The following LASP1 variants were observed in gnomAD, a reference collection of about 807,000 sequenced individuals.
LASP1 encodes the protein LIM and SH3 protein 1, also known as LIM and SH3 domain protein 1.
LASP1 carries 10 observed loss-of-function variants against 38.6 expected under a neutral mutation model. The observed-to-expected ratio is 0.26, with a 90% CI of 0.16 to 0.44. The LOEUF (loss-of-function observed/expected upper bound fraction) is 0.44. Among genes scored for constraint, LASP1 ranks in the 20% least tolerant of loss-of-function variants. LASP1 has a pLI of 1.00. For missense variants in LASP1, 243 were observed against 375.7 expected (o/e 0.65, Z 2.92); for synonymous variants, 132 against 140.8 (o/e 0.94, Z 0.44).
intron 2 of LASP1, among the ~76,000 whole-genome samples, chr17:38,889,541 C>A (rs2143765893): frequency 6.6e-6 from 1 of 152,270 alleles, no homozygotes; most frequent in African/African-American, 2.4e-5. Context: ...AGGGAAAATT[C>A]CACACCTGGC....
At chr17:38,894,383 G>A (rs113874329) in intron 3 of LASP1, among the ~76,000 whole-genome samples, 129 of 152,330 alleles carry the variant, frequency 8.5e-4, no homozygotes, top group Non-Finnish European at 1.6e-3. Context: ...GGGTGGTAGA[G>A]TATCACTCTT....
At chr17:38,898,328 C>G in intron 3 of LASP1, 84 bp from the exon 4 acceptor site, 1 of 783,928 alleles carries the variant, frequency 1.3e-6, no homozygotes, top group Admixed American at 2.6e-5. Flanking sequence ...TGTCTCCTGA[C>G]TGGTTGCTGC....
At chr17:38,899,493 T>C (rs1446222743) in intron 4 of LASP1, among the ~76,000 whole-genome samples, 1 of 152,096 alleles carries the variant, frequency 6.6e-6, no homozygotes, top group Non-Finnish European at 1.5e-5. Context: ...AGCAGGGCGC[T>C]CCTTTAAGAG....
At chr17:38,874,244 C>A (rs1220158370) in intron 1 of LASP1, 1 of 152,378 alleles carries the variant, frequency 6.6e-6, no homozygotes, top group Non-Finnish European at 1.5e-5. Context: ...CTGAAATCAT[C>A]TTGCCTGGGG....
At chr17:38,884,234 C>G (rs1467549398) in intron 2 of LASP1, among the ~76,000 whole-genome samples, 1 of 151,968 alleles carries the variant, frequency 6.6e-6, no homozygotes, top group African/African-American at 2.4e-5. Context: ...GAGAGTGAGG[C>G]TGGTGGCTGA....
chr17:38,915,327 CTG>C (rs1273495821), intron 6 of LASP1, 181 bp downstream of exon 6: 2 of 545,074 alleles, frequency 3.7e-6, no homozygotes, highest in Non-Finnish European at 6.5e-6. Context: ...CTGGCTGGGA[CTG>C]GGGCCCTGCG....
At chr17:38,916,433 G>A (rs1915128842) in intron 6 of LASP1, 1 of 151,894 alleles carries the variant, frequency 6.6e-6, no homozygotes, top group African/African-American at 2.4e-5. Flanking sequence ...GGTGGTGTAT[G>A]CCTGTAACCT....
intron 4 of LASP1, among the ~76,000 whole-genome samples, chr17:38,909,580 C>CT (rs1914871005): frequency 6.6e-6 from 1 of 151,406 alleles, no homozygotes; most frequent in African/African-American, 2.4e-5. Context: ...GCACTCCAGC[C>CT]TGGGCGACAG....
At chr17:38,892,013 G>A (rs775604170) in intron 3 of LASP1, among the ~76,000 whole-genome samples, 2 of 152,072 alleles carry the variant, frequency 1.3e-5, no homozygotes, top group African/African-American at 2.4e-5. Context: ...CACTTGAGCT[G>A]AGGAGTTGGA....
intron 3 of LASP1, among the ~76,000 whole-genome samples, chr17:38,896,540 C>T (rs1030713323): frequency 4.6e-5 from 7 of 152,208 alleles, no homozygotes; most frequent in South Asian, 2.1e-4. Context: ...GTCGCCATGG[C>T]GATTATTCCC....
At chr17:38,909,646 A>T (rs1322936107) in intron 4 of LASP1, among the ~76,000 whole-genome samples, 1 of 151,916 alleles carries the variant, frequency 6.6e-6, no homozygotes, top group Non-Finnish European at 1.5e-5. Context: ...GATAGAGCCC[A>T]CTAGGGGTCA....
chr17:38,880,993 C>T (rs1287116389), intron 2 of LASP1, among the ~76,000 whole-genome samples: 3 of 152,188 alleles, frequency 2.0e-5, no homozygotes, highest in African/African-American at 7.2e-5. Context: ...ATCCCAGCTA[C>T]TCAGGAGGCT....
At chr17:38,911,831 T>C (rs1914957524) in intron 4 of LASP1, among the ~76,000 whole-genome samples, 1 of 152,188 alleles carries the variant, frequency 6.6e-6, no homozygotes, top group Admixed American at 6.5e-5. Flanking sequence ...TCTCACTCTG[T>C]CACCCAGGCT....
At position 38,921,384 on chromosome 17, in the gene LASP1, T is replaced by C. The variant is rs141801639; in HGVS notation, c.*2606T>C. 5.9e-3 allele frequency: 1,372 copies of C among 232,738 alleles called. 21 individuals carry two copies. The highest frequency in any genetic ancestry group is 0.028 in the African/African-American group (1,254 of 45,408). The allele number at this position is 232,738 out of a possible 1,614,324, so 14.4% of individuals were successfully genotyped here. On this transcript the variant is annotated 3_prime_UTR_variant, in exon 7 of 7. Transcript: ENST00000318008. ...TGCCTCCTGTTTTCTCCCTCTCATG[T>C]CCCTCCAGGGAAAATGACTTTATTG...
intron 2 of LASP1, among the ~76,000 whole-genome samples, chr17:38,885,722 C>T (rs961853491): frequency 1.3e-5 from 2 of 152,196 alleles, no homozygotes; most frequent in Admixed American, 1.3e-4. Context: ...GACGGGTGGC[C>T]CCTGGTCTGT....
rs955953813 is a variant in LASP1 at position 38,919,863 on chromosome 17, C to T, written c.*1085C>T. ...CATGTATGTCTGCAGGTGTCTGACA[C>T]GCAAGTGTGTGAGTGTGAGTGTGAG... On this transcript the variant is annotated 3_prime_UTR_variant, in exon 7 of 7. Coordinates refer to ENST00000318008, the MANE Select transcript of LASP1 (RefSeq NM_006148.4). The T allele has an allele frequency of 1.2e-4, 57 of 469,564 alleles. No homozygotes were observed. Among genetic ancestry groups the T allele is most frequent in the African/African-American group, 7.5e-4 (39 of 52,034 alleles). 29.1% of individuals were successfully genotyped at this position (469,564 alleles called of 1,614,324 possible). A position where few individuals can be genotyped will look rare whatever the true frequency, so the allele number is the denominator to read the frequency against.
chr17:38,914,601 G>A, intron 5 of LASP1, 126 bp downstream of exon 5: 1 of 1,241,570 alleles, frequency 8.1e-7, no homozygotes, highest in Non-Finnish European at 1.1e-6. Context: ...AGGCGATTAT[G>A]CCTCTTGTGT....
intron 4 of LASP1, among the ~76,000 whole-genome samples, chr17:38,909,797 G>C (rs1410437755): frequency 6.6e-6 from 1 of 152,062 alleles, no homozygotes; most frequent in Non-Finnish European, 1.5e-5. Flanking sequence ...TCCCAGGCTG[G>C]AGTACAGTGG....
In LASP1 at chr17:38,870,081, C is replaced by T. The variant is rs1334918031; in HGVS notation, c.-109C>T. ...AGGCCAGTTCCCCAGCTCCAGCCGC[C>T]GTCGCTGCTGCCTGTGTAGTTGCAG... On this transcript the variant is annotated 5_prime_UTR_variant, in exon 1 of 7. Transcript: ENST00000318008. 9 of 1,183,514 alleles carry T rather than the reference C, an allele frequency of 7.6e-6. No individual in the cohort carries two copies. The highest frequency in any genetic ancestry group is 1.9e-5 in the Admixed American group (1 of 52,312). 73.3% of individuals were successfully genotyped at this position (1,183,514 alleles called of 1,614,324 possible).
Sources: allele counts gnomAD v4.1 joint callset (sites outside exome capture counted in the v4.1 genomes callset), GRCh38; gene constraint gnomAD v4.1.1; transcripts MANE v1.5; gene names NCBI Gene and HGNC (gene_info 2026-07-23, HGNC 2026-07-21).